Variants in EVA1C observed in about 807,000 individuals in gnomAD.
The protein encoded by EVA1C is eva-1 homolog C.
In EVA1C, 25 loss-of-function variants were observed where a neutral mutation model predicts 45.4. The observed-to-expected ratio is 0.55, with a 90% CI of 0.40 to 0.77. EVA1C has a LOEUF of 0.77. Among genes scored for constraint, EVA1C ranks in the 30% least tolerant of loss-of-function variants. The pLI is 0.00. For missense variants in EVA1C, 479 were observed against 554.8 expected (o/e 0.86, Z 1.37); for synonymous variants, 190 against 221.2 (o/e 0.86, Z 1.25).
intron 4 of EVA1C, among the ~76,000 whole-genome samples, chr21:32,471,270 G>A (rs2036360095): frequency 6.6e-6 from 1 of 151,740 alleles, no homozygotes; most frequent in South Asian, 2.1e-4. Flanking sequence ...AAGGCATTGT[G>A]GATCTACGTC....
chr21:32,493,383 T>C (rs183210382), intron 4 of EVA1C, among the ~76,000 whole-genome samples: 14 of 152,304 alleles, frequency 9.2e-5, no homozygotes, highest in Middle Eastern at 3.4e-3. Flanking sequence ...CTGAATTCTT[T>C]AGCTAAGCCT....
intron 4 of EVA1C, among the ~76,000 whole-genome samples, chr21:32,491,460 G>A (rs142913257): frequency 0.083 from 12,653 of 151,720 alleles, 1,007 homozygotes; most frequent in East Asian, 0.24. Context: ...CGGCCGAGGC[G>A]GGTGGATCAC....
chr21:32,414,680 T>C (rs556265254), intron 1 of EVA1C, among the ~76,000 whole-genome samples: 1 of 152,342 alleles, frequency 6.6e-6, no homozygotes, highest in East Asian at 1.9e-4. Flanking sequence ...AATGATTTGA[T>C]ACATGTTATT....
chr21:32,498,317 A>AT (rs969858362), intron 5 of EVA1C, among the ~76,000 whole-genome samples: 2 of 152,058 alleles, frequency 1.3e-5, no homozygotes, highest in African/African-American at 4.8e-5. Context: ...ATGATGGCGC[A>AT]TGCCTGTAAT....
At chr21:32,454,937 C>T (rs1334722376) in intron 2 of EVA1C, among the ~76,000 whole-genome samples, 1 of 152,128 alleles carries the variant, frequency 6.6e-6, no homozygotes, top group African/African-American at 2.4e-5. Flanking sequence ...CTGAATGACT[C>T]CCCATGACAT....
intron 4 of EVA1C, among the ~76,000 whole-genome samples, chr21:32,487,721 A>G (rs1220281843): frequency 2.8e-5 from 3 of 105,510 alleles, no homozygotes; most frequent in African/African-American, 8.4e-5. Flanking sequence ...CTCCATCTCA[A>G]AAAAAAAAAA....
intron 1 of EVA1C, among the ~76,000 whole-genome samples, chr21:32,449,308 A>G (rs1483436127): frequency 6.6e-6 from 1 of 152,230 alleles, no homozygotes; most frequent in Non-Finnish European, 1.5e-5. Context: ...ACGTGGCTCC[A>G]CCATTGTGGT....
chr21:32,476,547 C>T (rs2409451), intron 4 of EVA1C, among the ~76,000 whole-genome samples: 4 of 151,800 alleles, frequency 2.6e-5, no homozygotes, highest in Non-Finnish European at 5.9e-5. Flanking sequence ...AGGCTGAGGC[C>T]GGAGAATCGC....
chr21:32,466,191 C>T (rs1471917736), intron 3 of EVA1C, among the ~76,000 whole-genome samples: 2 of 152,112 alleles, frequency 1.3e-5, no homozygotes, highest in South Asian at 2.1e-4. Context: ...GAGGCTGAAG[C>T]GGGTGGATCA....
chr21:32,441,596 A>G (rs2035176247), intron 1 of EVA1C, among the ~76,000 whole-genome samples: 1 of 152,064 alleles, frequency 6.6e-6, no homozygotes, highest in Non-Finnish European at 1.5e-5. Flanking sequence ...CAATGGTACA[A>G]TGGATTGACA....
At chr21:32,488,037 G>C (rs1287907586) in intron 4 of EVA1C, among the ~76,000 whole-genome samples, 1 of 152,050 alleles carries the variant, frequency 6.6e-6, no homozygotes, top group Non-Finnish European at 1.5e-5. Flanking sequence ...ACTAACTCCA[G>C]GTAGTCAGTG....
In EVA1C at chr21:32,472,379, G is replaced by A. The variant is rs6517098; in HGVS notation, c.634+4531G>A. Among the ~76,000 whole-genome samples the A allele has an allele frequency of 8.2e-3, 1,249 of 152,034 alleles. 13 individuals are homozygous for A. The highest frequency in any genetic ancestry group is 0.027 in the African/African-American group (1,135 of 41,468). ...TTACCATGTTGGCCAGGCTGGTCTC[G>A]AACTCTTGACCTCAAGTGATCCACC... On this transcript the variant is annotated intron_variant, in intron 4 of 7. Coordinates refer to ENST00000300255, the MANE Select transcript of EVA1C (RefSeq NM_058187.5).
In EVA1C at chr21:32,501,443, T is replaced by A. The variant is rs1189645201; in HGVS notation, c.807T>A (p.Asp269Glu). The change falls in exon 6 of 8, where the codon GAT (aspartate) becomes GAA (glutamate). Residue 269 changes from aspartate (D) to glutamate (E), a missense_variant. Transcript: ENST00000300255. ...CVPKNILTAI[D>E]PAIANLKPSL... The stretch of plus-strand genomic sequence containing the variant: ...CCAAGAACATACTCACAGCGATTGA[T>A]CCAGCCATTGCTAATCTAAAACCTT... 3 of 1,594,862 alleles carry A rather than the reference T, an allele frequency of 1.9e-6. No individual in the cohort carries two copies. The highest frequency in any genetic ancestry group is 2.5e-6 in the Non-Finnish European group (3 of 1,178,824).
Position 32,515,268 on chromosome 21 carries a change from T to G in EVA1C, c.*78T>G, listed in dbSNP as rs2038101950. The G allele has an allele frequency of 6.9e-7, 1 of 1,444,976 alleles. No homozygotes were observed. Among genetic ancestry groups the G allele is most frequent in the Admixed American group, 2.3e-5 (1 of 43,428 alleles). The allele number at this position is 1,444,976 out of a possible 1,614,324, so 89.5% of individuals were successfully genotyped here. A position where few individuals can be genotyped will look rare whatever the true frequency, so the allele number is the denominator to read the frequency against. On this transcript the variant is annotated 3_prime_UTR_variant, in exon 8 of 8. Coordinates refer to ENST00000300255, the MANE Select transcript of EVA1C (RefSeq NM_058187.5). ...AATGCCCCTCCAGTTCTGGTTCACC[T>G]GTACCTTCTATGAAGGAGAATTCGT...
chr21:32,455,847 G>A (rs538023612), intron 2 of EVA1C, among the ~76,000 whole-genome samples: 4 of 152,200 alleles, frequency 2.6e-5, no homozygotes, highest in East Asian at 1.9e-4. Context: ...ATCCCCATGC[G>A]CTACTCTTTC....
At chr21:32,437,353 C>T (rs1321393849) in intron 1 of EVA1C, among the ~76,000 whole-genome samples, 2 of 152,180 alleles carry the variant, frequency 1.3e-5, no homozygotes, top group African/African-American at 2.4e-5. Context: ...GCTGTGGTCT[C>T]AGTTGGCACC....
rs372679804 is a variant in EVA1C, at chr21:32,467,491, C to T, written c.482-205C>T. Among the ~76,000 whole-genome samples, 86 of 152,256 alleles carry T rather than the reference C, an allele frequency of 5.6e-4. 1 individual carries two copies. The highest frequency in any genetic ancestry group is 4.2e-4 in the South Asian group (2 of 4,818). ...CTTAGTTTAATTCCCAGGGTCTTTG[C>T]GCTTGTCAACAGGTTACTTCCCACC... On this transcript the variant is annotated intron_variant, in intron 3 of 7. Transcript: ENST00000300255.
intron 1 of EVA1C, among the ~76,000 whole-genome samples, chr21:32,434,131 T>G (rs2034828987): frequency 6.6e-6 from 1 of 151,196 alleles, no homozygotes; most frequent in South Asian, 2.1e-4. Context: ...CTGTCTCTAC[T>G]AAAAATACAA....
intron 3 of EVA1C, among the ~76,000 whole-genome samples, chr21:32,458,229 G>C (rs139814765): frequency 6.6e-6 from 1 of 152,322 alleles, no homozygotes; most frequent in Non-Finnish European, 1.5e-5. Context: ...AGGAGAATGA[G>C]AGGGGATATG....
Sources: allele counts gnomAD v4.1 joint callset (sites outside exome capture counted in the v4.1 genomes callset), GRCh38; gene constraint gnomAD v4.1.1; transcripts MANE v1.5; gene names NCBI Gene and HGNC (gene_info 2026-07-23, HGNC 2026-07-21).